The following TENM4 variants were observed in gnomAD, a reference collection of about 807,000 sequenced individuals.
The protein encoded by TENM4 is teneurin-4.
TENM4 carries 82 observed loss-of-function variants against 243.3 expected under a neutral mutation model. The observed-to-expected ratio is 0.34, with a 90% confidence interval of 0.28 to 0.40. The LOEUF (loss-of-function observed/expected upper bound fraction) is 0.40, where lower values mean the gene tolerates loss of function less well. Ranked by LOEUF, TENM4 falls within the 10% of genes least tolerant of loss-of-function variation. The probability of loss-of-function intolerance (pLI) is 1.00; values close to 1 mark genes in which losing one functional copy is unlikely to be tolerated. For synonymous variants in TENM4, 1,412 were observed against 1,456.3 expected, an observed-to-expected ratio of 0.97 and a Z score of 0.69; for missense variants, 3,138 against 3,673.3, an observed-to-expected ratio of 0.85 and a Z score of 3.77.
intron 2 of TENM4, among the ~76,000 whole-genome samples, chr11:79,227,275 G>T (rs1387844909): frequency 6.6e-6 from 1 of 152,128 alleles, no homozygotes; most frequent in East Asian, 1.9e-4. Context: ...AGCCTTGGTT[G>T]CTGTCATTGG....
At chr11:78,805,543 G>A in intron 14 of TENM4, 51 bp from the exon 15 acceptor site, 1 of 1,542,074 alleles carries the variant, frequency 6.5e-7, no homozygotes, top group Non-Finnish European at 8.7e-7. Flanking sequence ...CAGCAAAGGT[G>A]AGGCTTCTTT....
At chr11:78,825,753 A>G (rs373573911) in intron 12 of TENM4, among the ~76,000 whole-genome samples, 2 of 152,326 alleles carry the variant, frequency 1.3e-5, no homozygotes, top group South Asian at 4.1e-4. Flanking sequence ...TAAGAGTAAG[A>G]GCCAGATCCA....
intron 2 of TENM4, among the ~76,000 whole-genome samples, chr11:79,283,785 A>G (rs905318997): frequency 6.6e-6 from 1 of 152,190 alleles, no homozygotes; most frequent in Admixed American, 6.5e-5. Context: ...CTACTCATCA[A>G]TAACAAGGTC....
At chr11:78,692,058 G>A (rs1378193024) in intron 28 of TENM4, among the ~76,000 whole-genome samples, 2 of 152,110 alleles carry the variant, frequency 1.3e-5, no homozygotes, top group Non-Finnish European at 2.9e-5. Flanking sequence ...CAAAGAGCAG[G>A]GACCTGGAAG....
chr11:79,268,733 G>A (rs1855920953), intron 2 of TENM4, among the ~76,000 whole-genome samples: 1 of 152,090 alleles, frequency 6.6e-6, no homozygotes, highest in African/African-American at 2.4e-5. Context: ...AATGTAAAAA[G>A]TTTCCTTTTT....
intron 16 of TENM4, among the ~76,000 whole-genome samples, chr11:78,786,622 C>A (rs1028826483): frequency 6.6e-6 from 1 of 152,208 alleles, no homozygotes; most frequent in Non-Finnish European, 1.5e-5. Flanking sequence ...AGATCCATAC[C>A]GCATGTAGCC....
At chr11:78,852,823 C>T (rs576564138) in intron 12 of TENM4, among the ~76,000 whole-genome samples, 2 of 152,242 alleles carry the variant, frequency 1.3e-5, no homozygotes, top group South Asian at 4.1e-4. Context: ...GATCATAGCC[C>T]ACTGCAACCT....
intron 12 of TENM4, among the ~76,000 whole-genome samples, chr11:78,831,061 C>T (rs12288375): frequency 0.17 from 26,050 of 152,162 alleles, 5,137 homozygotes; most frequent in African/African-American, 0.49. Context: ...GTTATCCCTA[C>T]TTTTCAGATG....
intron 3 of TENM4, among the ~76,000 whole-genome samples, chr11:79,163,525 T>G (rs568904448): frequency 3.3e-5 from 5 of 152,028 alleles, no homozygotes; most frequent in African/African-American, 1.2e-4. Flanking sequence ...ATGTGTAGTC[T>G]TTTATTCCTC....
chr11:79,160,174 A>C (rs1862711308), intron 3 of TENM4, among the ~76,000 whole-genome samples: 1 of 152,072 alleles, frequency 6.6e-6, no homozygotes, highest in Non-Finnish European at 1.5e-5. Context: ...TGGGGCCATT[A>C]GTCCTCCCTC....
chr11:78,989,091 A>G (rs954977692), intron 6 of TENM4, among the ~76,000 whole-genome samples: 50 of 152,346 alleles, frequency 3.3e-4, no homozygotes, highest in Non-Finnish European at 7.4e-5. Flanking sequence ...GGCCTGAATA[A>G]TGTCAAATCT....
Position 78,658,481 on chromosome 11 carries a change from C to T in TENM4, c.7887G>A (p.Leu2629=). 6.2e-7 allele frequency: 1 copy of T among 1,614,040 alleles called. No individual in the cohort carries two copies. The highest frequency in any genetic ancestry group is 1.7e-5 in the Admixed American group (1 of 60,034). ...FVKPGPSEGD[L]AILGLSGGRR... ...GCCCCCCACTGAGGCCCAGGATGGC[C>T]AGGTCACCTTCTGAAGGTCCTGGTT... The change falls in exon 34 of 34, where the codon CTG becomes CTA. Residue 2629 remains leucine, a synonymous_variant. Transcript: ENST00000278550.
intron 1 of TENM4, among the ~76,000 whole-genome samples, chr11:79,437,960 A>C (rs1859312902): frequency 6.6e-6 from 1 of 152,138 alleles, no homozygotes; most frequent in Non-Finnish European, 1.5e-5. Context: ...TTTCAATCGC[A>C]TTGTTAAGGA....
At chr11:78,893,400 C>A (rs573044293) in intron 7 of TENM4, among the ~76,000 whole-genome samples, 1 of 152,304 alleles carries the variant, frequency 6.6e-6, no homozygotes, top group Admixed American at 6.5e-5. Context: ...TTTTACAAAA[C>A]CCAAAGTGTA....
intron 18 of TENM4, among the ~76,000 whole-genome samples, chr11:78,765,052 A>C (rs918764842): frequency 2.6e-5 from 4 of 152,200 alleles, no homozygotes; most frequent in Admixed American, 2.6e-4. Context: ...CAAGCCCATC[A>C]GTCTTTTTGC....
chr11:79,106,674 C>T (rs1861377472), intron 4 of TENM4, among the ~76,000 whole-genome samples: 1 of 152,194 alleles, frequency 6.6e-6, no homozygotes, highest in African/African-American at 2.4e-5. Context: ...AACTCTCCCA[C>T]TTTACAGATG....
chr11:78,725,563 C>A (rs1333736529), intron 23 of TENM4, among the ~76,000 whole-genome samples: 2 of 152,248 alleles, frequency 1.3e-5, no homozygotes, highest in Non-Finnish European at 2.9e-5. Flanking sequence ...CCCTTCATGT[C>A]ATCCTCTGCT....
At chr11:79,007,401 T>C (rs188335607) in intron 6 of TENM4, among the ~76,000 whole-genome samples, 6 of 152,222 alleles carry the variant, frequency 3.9e-5, no homozygotes, top group East Asian at 3.9e-4. Flanking sequence ...GTGATTTCCC[T>C]TGGGTGACAA....
intron 2 of TENM4, among the ~76,000 whole-genome samples, chr11:79,259,658 T>C (rs28718220): frequency 6.2e-5 from 9 of 145,426 alleles, no homozygotes; most frequent in African/African-American, 1.6e-4. Context: ...TCCATCCATC[T>C]ATCCATCCAT....
Sources: gnomAD v4.1 joint callset for allele counts (sites outside exome capture counted in the v4.1 genomes callset) on GRCh38, gnomAD v4.1.1 for gene constraint, MANE v1.5 for transcripts, NCBI Gene and HGNC (gene_info 2026-07-23, HGNC 2026-07-21) for gene names.